DVL2: variants seen among roughly 807,000 people sequenced by gnomAD.
DVL2 encodes the protein segment polarity protein dishevelled homolog DVL-2.
DVL2 carries 38 observed loss-of-function variants against 69.8 expected under a neutral mutation model. The observed-to-expected ratio is 0.54, with a 90% CI of 0.42 to 0.71. The LOEUF is 0.71. DVL2 is among the 30% of genes least tolerant of loss of function. The pLI is 0.00. For synonymous variants in DVL2, 428 were observed against 392.4 expected, an observed-to-expected ratio of 1.09 and a Z score of -1.07; for missense variants, 931 against 1,008.1, an observed-to-expected ratio of 0.92 and a Z score of 1.04.
rs59984818 is a variant in DVL2 at position 7,233,087 on chromosome 17, C to CAAAAAAAAAAAAAAAAAAAAAA, written c.194+981_194+982insTTTTTTTTTTTTTTTTTTTTTT. 2.5e-3 allele frequency among the ~76,000 whole-genome samples: 89 copies of CAAAAAAAAAAAAAAAAAAAAAA among 36,274 alleles called. 14 individuals carry two copies. The highest frequency in any genetic ancestry group is 4.8e-3 in the East Asian group (5 of 1,042). 23.8% of individuals were successfully genotyped at this position (36,274 alleles called of 152,430 possible). ...CCTGGGCGACAGAGCGAGACTGTCT[C>CAAAAAAAAAAAAAAAAAAAAAA]AAAAAAAAAAAAAAAAAAAAGCAGA... On this transcript the variant is annotated intron_variant, in intron 1 of 14. Coordinates refer to ENST00000005340, the MANE Select transcript of DVL2 (RefSeq NM_004422.3).
At chr17:7,232,197 G>T (rs775897627) in intron 1 of DVL2, among the ~76,000 whole-genome samples, 3 of 152,162 alleles carry the variant, frequency 2.0e-5, no homozygotes, top group Non-Finnish European at 2.9e-5. Context: ...TCGACTAAAT[G>T]AATAAACGTA....
rs148687874 is a variant in DVL2, at chr17:7,229,439, G to C, written c.756C>G (p.Ser252=). 3.1e-4 allele frequency: 494 copies of C among 1,614,096 alleles called. 3 individuals carry two copies. The highest frequency in any genetic ancestry group is 2.9e-3 in the African/African-American group (215 of 75,058). ...TTGTGGAATCTGTGACGCTGCTGAA[G>C]GATGACGTCTGTGGTGGGAAAAGGA... The part of the protein sequence containing the change: ...QRPPRLERTS[S]FSSVTDSTMS... Residue 252 remains serine (S), a synonymous_variant, in exon 7 of 15, where the codon TCC becomes TCG. Coordinates refer to ENST00000005340, the MANE Select transcript of DVL2 (RefSeq NM_004422.3). The surrounding 1 kb of genome is among the most constrained non-coding windows in gnomAD (Gnocchi z 4.4).
At chr17:7,228,625 G>T in intron 9 of DVL2, 1 of 246,252 alleles carries the variant, frequency 4.1e-6, no homozygotes, top group South Asian at 6.7e-5. Context: ...CTGTCGCCCA[G>T]GCTGGAGTGC....
chr17:7,226,701 C>T (rs1402500743), intron 13 of DVL2, 62 bp from the exon 14 acceptor site: 183 of 1,282,802 alleles, frequency 1.4e-4, no homozygotes, highest in Middle Eastern at 7.1e-4. Flanking sequence ...CCCAAGACAC[C>T]GAATGGAGAG....
In DVL2 at chr17:7,229,511, G is replaced by A. The variant is rs115555873; in HGVS notation, c.748-64C>T. 616 of 1,611,390 alleles carry A rather than the reference G, an allele frequency of 3.8e-4. 1 individual carries two copies. The African/African-American group carries it at 5.7e-3, about 15-fold the overall frequency. On this transcript the variant is annotated intron_variant, in intron 6 of 14. Transcript: ENST00000005340. The surrounding 1 kb of genome is among the most constrained non-coding windows in gnomAD (Gnocchi z 4.4). ...CCAGGGTCAACCCTGGGGTGCTGCC[G>A]GTGTCCTGGCACCGCCCAAACCAAA...
At chr17:7,233,087 C>CAA (rs59984818) in intron 1 of DVL2, among the ~76,000 whole-genome samples, 534 of 36,248 alleles carry the variant, frequency 0.015, 42 homozygotes, top group African/African-American at 0.04. Context: ...GAGACTGTCT[C>CAA]AAAAAAAAAA....
Position 7,228,985 on chromosome 17 carries a change from T to A in DVL2, c.1018A>T (p.Ile340Phe), listed in dbSNP as rs148354072. 2 of 1,613,926 alleles carry A rather than the reference T, an allele frequency of 1.2e-6. No individual in the cohort carries two copies. Among genetic ancestry groups the A allele is most frequent in the Non-Finnish European group, 1.7e-6 (2 of 1,179,994 alleles). ...NDDAVRVLRD[I>F]VHKPGPIVLT... ...GCAACTCACCCAGGCTTGTGCACAA[T>A]GTCCCTCAGCACCCGCACAGCGTCA... The change falls in exon 9 of 15, where the codon ATT becomes TTT. Residue 340 changes from isoleucine (I) to phenylalanine (F), a missense_variant. Ile to Phe is a conservative substitution (Grantham distance 21). Transcript: ENST00000005340.
intron 1 of DVL2, among the ~76,000 whole-genome samples, chr17:7,233,716 G>A (rs983995318): frequency 1.3e-5 from 2 of 152,144 alleles, no homozygotes; most frequent in African/African-American, 4.8e-5. Context: ...CCAAAGTGCT[G>A]GGATTACAGG....
At position 7,234,239 on chromosome 17, in the gene DVL2, G is replaced by A. The variant is rs146467021; in HGVS notation, c.24C>T (p.Gly8=). MAGSSTG[G]GGVGETKVIY... ...TCACCTTCGTCTCCCCAACCCCACC[G>A]CCCCCAGTGCTGCTACCCGCCATGG... Residue 8 remains glycine, a synonymous_variant, in exon 1 of 15, where the codon GGC becomes GGT. Coordinates refer to ENST00000005340, the MANE Select transcript of DVL2 (RefSeq NM_004422.3). The A allele has an allele frequency of 7.3e-4, 978 of 1,336,952 alleles. 2 individuals carry two copies. Among genetic ancestry groups the A allele is most frequent in the Non-Finnish European group, 9.1e-4 (893 of 981,438 alleles). 82.8% of individuals were successfully genotyped at this position (1,336,952 alleles called of 1,614,324 possible).
Position 7,234,244 on chromosome 17 carries a change from C to A in DVL2, c.19G>T (p.Gly7Trp), listed in dbSNP as rs1047268927. Residue 7 changes from glycine (G) to tryptophan (W), a missense_variant, in exon 1 of 15, where the codon GGG becomes TGG. Physicochemically the swap from Gly to Trp is radical, Grantham distance 184. Around this residue, in one of 3 missense-constraint regions of DVL2, gnomAD observed 555 missense variants for 588.8 expected, o/e 0.94. Coordinates refer to ENST00000005340, the MANE Select transcript of DVL2 (RefSeq NM_004422.3). MAGSSTGGGGVGETKVI... is the reference protein window; with the variant it reads MAGSSTWGGGVGETKVI... ...TTCGTCTCCCCAACCCCACCGCCCCCAGTGCTGCTACCCGCCATGGTCTCG... is the reference window on the plus strand; with the variant it reads ...TTCGTCTCCCCAACCCCACCGCCCCAAGTGCTGCTACCCGCCATGGTCTCG... 1.2e-6 allele frequency: 2 copies of A among 1,613,062 alleles called. No individual in the cohort carries two copies. Among genetic ancestry groups the A allele is most frequent in the Non-Finnish European group, 1.7e-6 (2 of 1,179,582 alleles).
Position 7,226,402 on chromosome 17 carries a change from G to C in DVL2, c.1762+19C>G. 1.3e-6 allele frequency: 2 copies of C among 1,532,128 alleles called. No individual in the cohort carries two copies. The highest frequency in any genetic ancestry group is 1.8e-6 in the Non-Finnish European group (2 of 1,141,022). The allele number at this position is 1,532,128 out of a possible 1,614,324, so 94.9% of individuals were successfully genotyped here. A position where few individuals can be genotyped will look rare whatever the true frequency, so the allele number is the denominator to read the frequency against. ...CCACCCTCAGATCCTGGCCGTACAG[G>C]TATGTGGGGATGACTTACCCTCACT... On this transcript the variant is annotated intron_variant, in intron 14 of 14. Coordinates refer to ENST00000005340, the MANE Select transcript of DVL2 (RefSeq NM_004422.3).
intron 2 of DVL2, 136 bp from the exon 3 acceptor site, chr17:7,230,566 G>T: frequency 7.3e-7 from 1 of 1,367,514 alleles, no homozygotes; most frequent in Non-Finnish European, 1.0e-6. Context: ...AGAGACTCCA[G>T]AAGGAGAAGG....
chr17:7,227,560 C>CAG (rs1450547604), intron 11 of DVL2, 25 bp from the exon 12 acceptor site: 1 of 1,613,190 alleles, frequency 6.2e-7, no homozygotes, highest in Non-Finnish European at 8.5e-7. Flanking sequence ...AACGGGTAAC[C>CAG]AGAGTCAGGG....
Position 7,229,461 on chromosome 17 carries a change from A to G in DVL2, c.748-14T>C. ...GAAGGATGACGTCTGTGGTGGGAAA[A>G]GGAGCCAGAGTGCCCTTCAATAACC... On this transcript the variant is annotated splice_polypyrimidine_tract_variant and intron_variant, in intron 6 of 14. Transcript: ENST00000005340. This position sits in a 1 kb window ranked among gnomAD's most constrained non-coding sequence, Gnocchi z 4.4. The G allele has an allele frequency of 6.2e-7, 1 of 1,614,066 alleles. No homozygotes were observed. The highest frequency in any genetic ancestry group is 1.3e-5 in the African/African-American group (1 of 75,056).
At position 7,226,763 on chromosome 17, in the gene DVL2, G is replaced by C. The variant is rs906532164; in HGVS notation, c.1544-124C>G. ...ACCCACGATGGGGCTCAAAACAGGGGTTCACAAGGGTCTCTGACAAGAAAC... is the reference window on the plus strand; with the variant it reads ...ACCCACGATGGGGCTCAAAACAGGGCTTCACAAGGGTCTCTGACAAGAAAC... On this transcript the variant is annotated intron_variant, in intron 13 of 14. Transcript: ENST00000005340. 19 of 758,074 alleles carry C rather than the reference G, an allele frequency of 2.5e-5. No individual in the cohort carries two copies. The African/African-American group carries it at 2.8e-4, about 11-fold the overall frequency. The allele number at this position is 758,074 out of a possible 1,614,324, so 47.0% of individuals were successfully genotyped here.
At chr17:7,226,800 TC>T in intron 13 of DVL2, 161 bp from the exon 14 acceptor site, 1 of 665,394 alleles carries the variant, frequency 1.5e-6, no homozygotes, top group Non-Finnish European at 2.4e-6. Flanking sequence ...CCCATCTACT[TC>T]TGCCATGAGG....
chr17:7,231,155 C>G (rs1281008475), intron 1 of DVL2, among the ~76,000 whole-genome samples: 1 of 152,148 alleles, frequency 6.6e-6, no homozygotes, highest in Non-Finnish European at 1.5e-5. Flanking sequence ...TCAACCCCAC[C>G]CCTGTTCCTT....
In DVL2 at chr17:7,225,800, A is replaced by C. The variant is rs2071434629; in HGVS notation, c.*65T>G. On this transcript the variant is annotated 3_prime_UTR_variant, in exon 15 of 15. Transcript: ENST00000005340. Reference sequence around the variant, plus strand: ...GAGCCCAGGCACTGTAAGAGCAAGCACATGACGGCCAGGACACCCAGTCAC... The same window carrying C: ...GAGCCCAGGCACTGTAAGAGCAAGCCCATGACGGCCAGGACACCCAGTCAC... The C allele has an allele frequency of 7.1e-7, 1 of 1,410,848 alleles. No individual in the cohort carries two copies. Among genetic ancestry groups the C allele is most frequent in the African/African-American group, 1.4e-5 (1 of 71,136 alleles). 87.4% of individuals were successfully genotyped at this position (1,410,848 alleles called of 1,614,324 possible).
At chr17:7,228,258 G>A in intron 9 of DVL2, 1 of 503,752 alleles carries the variant, frequency 2.0e-6, no homozygotes, top group South Asian at 2.8e-5. Flanking sequence ...TGAGACAAGA[G>A]AGTACACGCT....
Sources: allele counts gnomAD v4.1 joint callset (sites outside exome capture counted in the v4.1 genomes callset), GRCh38; gene constraint gnomAD v4.1.1; regional missense constraint gnomAD v4.1.1; non-coding constraint Gnocchi (gnomAD v3.1); transcripts MANE v1.5; gene names NCBI Gene and HGNC (gene_info 2026-07-23, HGNC 2026-07-21).